PEX1: variants seen among roughly 807,000 people sequenced by gnomAD.
PEX1 encodes peroxisomal ATPase PEX1.
A neutral mutation model predicts 152.5 loss-of-function variants in PEX1; 97 were observed. The observed-to-expected ratio is 0.64, with a 90% CI of 0.54 to 0.75. The LOEUF is 0.75. Among genes scored for constraint, PEX1 ranks in the 30% least tolerant of loss-of-function variants. The probability of loss-of-function intolerance (pLI) is 0.00; values close to 1 mark genes in which losing one functional copy is unlikely to be tolerated. For missense variants in PEX1, 1,357 were observed against 1,516.3 expected (o/e 0.89, Z 1.74); for synonymous variants, 485 against 531.6 (o/e 0.91, Z 1.21).
At chr7:92,516,059 A>AG in intron 5 of PEX1, among the ~76,000 whole-genome samples, 1 of 46,232 alleles carries the variant, frequency 2.2e-5, no homozygotes, top group African/African-American at 8.0e-5. Flanking sequence ...AAGAGAAAAA[A>AG]GAAAAGAAAA....
In PEX1 at chr7:92,517,890, T is replaced by C; in HGVS notation, c.625A>G (p.Met209Val). ...TGCTTGGTTTGAAGTTCTTTCATCA[T>C]TCCTTTCTGGTCTCTTCCATAACTA... ...LHSYGRDQKG[M>V]MKELQTKQLQ... The change falls in exon 5 of 24, where the codon ATG becomes GTG. Residue 209 changes from methionine (M) to valine (V), a missense_variant. Met to Val is a conservative substitution (Grantham distance 21). Coordinates refer to ENST00000248633, the MANE Select transcript of PEX1 (RefSeq NM_000466.3). The C allele has an allele frequency of 6.5e-7, 1 of 1,549,820 alleles. No homozygotes were observed. The highest frequency in any genetic ancestry group is 8.7e-7 in the Non-Finnish European group (1 of 1,154,566).
chr7:92,499,670 C>T, intron 16 of PEX1, 34 bp downstream of exon 16: 1 of 1,558,658 alleles, frequency 6.4e-7, no homozygotes, highest in Non-Finnish European at 8.8e-7. Flanking sequence ...TTAATTTTAC[C>T]TAAATAAAAA....
chr7:92,507,137 TATAC>T lies in PEX1; in HGVS notation c.1671-15_1671-12del, dbSNP rs761260897. ...AAGGAATTCACTCCTCTGTAAAAAA[TATAC>T]ATAGTTACATGATAAAAGACTGAAG... On this transcript the variant is annotated splice_polypyrimidine_tract_variant and intron_variant, in intron 9 of 23. Transcript: ENST00000248633. 4 of 1,611,730 alleles carry T rather than the reference TATAC, an allele frequency of 2.5e-6. No homozygotes were observed. The highest frequency in any genetic ancestry group is 1.1e-5 in the South Asian group (1 of 91,028).
intron 2 of PEX1, 83 bp downstream of exon 2, chr7:92,522,019 C>A: frequency 6.9e-7 from 1 of 1,455,260 alleles, no homozygotes; most frequent in Non-Finnish European, 9.6e-7. Context: ...CCTCCTTTAA[C>A]AAAAAATCTA....
intron 1 of PEX1, 75 bp from the exon 2 acceptor site, chr7:92,522,320 A>T: frequency 7.1e-7 from 1 of 1,407,572 alleles, no homozygotes; most frequent in Non-Finnish European, 1.0e-6. Flanking sequence ...ATAAACTATT[A>T]TTACAATTCA....
At chr7:92,512,643 C>A (rs868495402) in intron 6 of PEX1, among the ~76,000 whole-genome samples, 2 of 151,434 alleles carry the variant, frequency 1.3e-5, no homozygotes, top group Non-Finnish European at 2.9e-5. Context: ...AGGATTAGCA[C>A]CACGCCCCGA....
chr7:92,528,091 A>G (rs941300103), intron 1 of PEX1, among the ~76,000 whole-genome samples: 1 of 152,256 alleles, frequency 6.6e-6, no homozygotes, highest in African/African-American at 2.4e-5. Context: ...GTTCAGTTTC[A>G]CCAAGTGAAA....
chr7:92,504,641 T>C, intron 12 of PEX1, 91 bp downstream of exon 12: 1 of 1,260,624 alleles, frequency 7.9e-7, no homozygotes, highest in Admixed American at 1.9e-5. Context: ...AACACATATA[T>C]TATTCTCTGA....
In PEX1 at chr7:92,504,736, A is replaced by G; in HGVS notation, c.2067T>C (p.Ala689=). 6.2e-7 allele frequency: 1 copy of G among 1,614,010 alleles called. No individual in the cohort carries two copies. The highest frequency in any genetic ancestry group is 8.5e-7 in the Non-Finnish European group (1 of 1,179,960). ...SPDAVQSQRL[A]HALNDMIKEF... ...GCCAGTGGTGGATGCATTTACCATG[A>G]GCAAGCCGCTGGCTCTGCACCGCAT... is the stretch of plus-strand genomic sequence containing the variant. The change falls in exon 12 of 24, where the codon GCT becomes GCC. Residue 689 remains alanine (A), a synonymous_variant. Coordinates refer to ENST00000248633, the MANE Select transcript of PEX1 (RefSeq NM_000466.3).
At chr7:92,489,256 T>C (rs781728903) in intron 23 of PEX1, 37 bp downstream of exon 23, 2 of 1,580,408 alleles carry the variant, frequency 1.3e-6, no homozygotes, top group South Asian at 2.2e-5. Context: ...TCACTTGTAA[T>C]AGTAGCTGTA....
At chr7:92,494,969 A>C (rs915735898) in intron 17 of PEX1, among the ~76,000 whole-genome samples, 1 of 151,896 alleles carries the variant, frequency 6.6e-6, no homozygotes, top group Non-Finnish European at 1.5e-5. Context: ...ATCAAAACAA[A>C]AACTGACTCT....
intron 1 of PEX1, among the ~76,000 whole-genome samples, chr7:92,523,660 T>C (rs923657500): frequency 1.3e-5 from 2 of 151,938 alleles, no homozygotes; most frequent in African/African-American, 4.8e-5. Context: ...TATTAATATG[T>C]ATCAATAATA....
intron 2 of PEX1, among the ~76,000 whole-genome samples, chr7:92,521,726 C>T (rs111347920): frequency 0.04 from 6,083 of 152,070 alleles, 149 homozygotes; most frequent in African/African-American, 0.051. Flanking sequence ...TGTGAGCCAC[C>T]GCACCCAGCT....
intron 1 of PEX1, among the ~76,000 whole-genome samples, chr7:92,522,924 T>C (rs1311960258): frequency 2.0e-5 from 3 of 152,240 alleles, no homozygotes; most frequent in Admixed American, 6.5e-5. Context: ...CTGTTTCTTC[T>C]GTACCCTTCC....
intron 17 of PEX1, among the ~76,000 whole-genome samples, chr7:92,495,919 AC>A (rs1403567831): frequency 9.2e-5 from 14 of 152,080 alleles, no homozygotes; most frequent in Non-Finnish European, 1.8e-4. Flanking sequence ...AACATTTAAC[AC>A]TATAAATTTT....
intron 14 of PEX1, 71 bp from the exon 15 acceptor site, chr7:92,501,744 T>C: frequency 7.0e-7 from 1 of 1,422,616 alleles, no homozygotes; most frequent in South Asian, 1.2e-5. Flanking sequence ...TATGCCATCA[T>C]CTTAGCTGGA....
chr7:92,508,392 G>A (rs868692661), intron 9 of PEX1, among the ~76,000 whole-genome samples: 53 of 152,022 alleles, frequency 3.5e-4, no homozygotes, highest in Admixed American at 1.5e-3. Flanking sequence ...CAAAAAATTA[G>A]GCAGGTGTGG....
intron 9 of PEX1, 48 bp downstream of exon 9, chr7:92,509,281 T>C (rs367659741): frequency 6.6e-6 from 8 of 1,204,896 alleles, no homozygotes; most frequent in African/African-American, 4.5e-5. Flanking sequence ...CTGCCAGATA[T>C]AGTGTTAAAA....
chr7:92,501,393 G>A (rs1456753307), intron 15 of PEX1, 114 bp downstream of exon 15: 1 of 800,362 alleles, frequency 1.2e-6, no homozygotes, highest in Non-Finnish European at 2.2e-6. Flanking sequence ...TGGTAACTCA[G>A]TAAACACTTG....
Sources: allele counts gnomAD v4.1 joint callset (sites outside exome capture counted in the v4.1 genomes callset), GRCh38; gene constraint gnomAD v4.1.1; transcripts MANE v1.5; gene names NCBI Gene and HGNC (gene_info 2026-07-23, HGNC 2026-07-21).